Variants in IPO9 observed in about 807,000 individuals in gnomAD.
IPO9 encodes importin-9.
Under a neutral mutation model 128.6 loss-of-function variants are expected in IPO9, and 28 were observed. The observed-to-expected ratio is 0.22, with a 90% CI of 0.16 to 0.30. IPO9 has a LOEUF of 0.30. Among genes scored for constraint, IPO9 ranks in the 10% least tolerant of loss-of-function variants. IPO9 has a pLI of 1.00. For synonymous variants in IPO9, 455 were observed against 475.8 expected (o/e 0.96, Z 0.57); for missense variants, 935 against 1,293.9 (o/e 0.72, Z 4.26).
chr1:201,866,995 C>A, intron 15 of IPO9, 36 bp downstream of exon 15: 2 of 1,512,788 alleles, frequency 1.3e-6, no homozygotes, highest in Non-Finnish European at 9.2e-7. Flanking sequence ...TGAGGGGCAC[C>A]AAAGAAAAGG....
Position 201,881,614 on chromosome 1 carries a change from A to C in IPO9, c.*5560A>C, listed in dbSNP as rs1329454577. 6.6e-6 allele frequency: 1 copy of C among 152,262 alleles called. No homozygotes were observed. Among genetic ancestry groups the C allele is most frequent in the Non-Finnish European group, 1.5e-5 (1 of 68,058 alleles). The allele number at this position is 152,262 out of a possible 1,614,324, so 9.4% of individuals were successfully genotyped here. A position where few individuals can be genotyped will look rare whatever the true frequency, so the allele number is the denominator to read the frequency against. On this transcript the variant is annotated 3_prime_UTR_variant, in exon 24 of 24. Transcript: ENST00000361565. Reference sequence around the variant, plus strand: ...AGGACAAGTGGGGGGCAGATTGTGAAGGATCCTTCAAGACCTGCTTCCTCT... The same window carrying C: ...AGGACAAGTGGGGGGCAGATTGTGACGGATCCTTCAAGACCTGCTTCCTCT...
At chr1:201,866,588 A>C in intron 14 of IPO9, 145 bp from the exon 15 acceptor site, 1 of 611,500 alleles carries the variant, frequency 1.6e-6, no homozygotes, top group South Asian at 2.0e-5. Context: ...TATATAATAC[A>C]TCCAGAAAGA....
At chr1:201,838,453 G>A (rs1679980093) in intron 1 of IPO9, among the ~76,000 whole-genome samples, 1 of 152,148 alleles carries the variant, frequency 6.6e-6, no homozygotes, top group Non-Finnish European at 1.5e-5. Flanking sequence ...ATATCTTCGG[G>A]TTGTAGATAC....
At chr1:201,851,492 G>C (rs1411225368) in intron 4 of IPO9, among the ~76,000 whole-genome samples, 2 of 151,218 alleles carry the variant, frequency 1.3e-5, no homozygotes, top group Admixed American at 6.6e-5. Context: ...TGAAGGGAAA[G>C]ATACGACCCA....
intron 1 of IPO9, among the ~76,000 whole-genome samples, chr1:201,837,796 C>T (rs767820228): frequency 6.6e-6 from 1 of 152,170 alleles, no homozygotes; most frequent in Non-Finnish European, 1.5e-5. Flanking sequence ...CTAGGCCAGG[C>T]ACGGGGGCTC....
intron 1 of IPO9, among the ~76,000 whole-genome samples, chr1:201,831,779 A>G (rs1314209555): frequency 1.3e-5 from 2 of 152,216 alleles, no homozygotes; most frequent in Non-Finnish European, 2.9e-5. Flanking sequence ...TGAAACTGGC[A>G]GGACATGGTT....
At chr1:201,839,774 CCAGAGA>C (rs995922122) in intron 1 of IPO9, among the ~76,000 whole-genome samples, 11 of 151,752 alleles carry the variant, frequency 7.2e-5, no homozygotes, top group African/African-American at 1.5e-4. Flanking sequence ...GACTCAAGAT[CCAGAGA>C]CAATAAAAGA....
chr1:201,831,236 GAA>G (rs939288107), intron 1 of IPO9, among the ~76,000 whole-genome samples: 2 of 152,144 alleles, frequency 1.3e-5, no homozygotes, highest in African/African-American at 4.8e-5. Context: ...TCACTGATGA[GAA>G]ATAGATCGAC....
In IPO9 at chr1:201,829,179, C is replaced by A. The variant is rs1017139089; in HGVS notation, c.-31C>A. ...GCCGTCATTCGGTGGCGGGTCCCGG[C>A]CGCGGGGCTGGCGGGCTGAGGGGAG... On this transcript the variant is annotated 5_prime_UTR_variant, in exon 1 of 24. Coordinates refer to ENST00000361565, the MANE Select transcript of IPO9 (RefSeq NM_018085.5). 4.1e-6 allele frequency: 6 copies of A among 1,464,658 alleles called. No homozygotes were observed. The highest frequency in any genetic ancestry group is 5.4e-6 in the Non-Finnish European group (6 of 1,108,800). The allele number at this position is 1,464,658 out of a possible 1,614,324, so 90.7% of individuals were successfully genotyped here. A position where few individuals can be genotyped will look rare whatever the true frequency, so the allele number is the denominator to read the frequency against.
intron 21 of IPO9, 126 bp downstream of exon 21, chr1:201,874,498 G>A: frequency 1.9e-6 from 2 of 1,070,854 alleles, no homozygotes; most frequent in Non-Finnish European, 2.7e-6. Context: ...GCTGCTCTGT[G>A]GCTGGCACCA....
Position 201,879,372 on chromosome 1 carries a change from A to T in IPO9, c.*3318A>T, listed in dbSNP as rs1001580146. On this transcript the variant is annotated 3_prime_UTR_variant, in exon 24 of 24. Coordinates refer to ENST00000361565, the MANE Select transcript of IPO9 (RefSeq NM_018085.5). The stretch of plus-strand genomic sequence containing the variant: ...AGTTGGTAACTGACCACTAACTAAC[A>T]AACTATAAATTCACCCATTGTGGGT... 12 of 152,224 alleles carry T rather than the reference A, an allele frequency of 7.9e-5. No individual in the cohort carries two copies. The highest frequency in any genetic ancestry group is 1.2e-4 in the Non-Finnish European group (8 of 68,044). The allele number at this position is 152,224 out of a possible 1,614,324, so 9.4% of individuals were successfully genotyped here. A position where few individuals can be genotyped will look rare whatever the true frequency, so the allele number is the denominator to read the frequency against.
intron 7 of IPO9, 35 bp from the exon 8 acceptor site, chr1:201,854,788 C>G (rs756924894): frequency 6.2e-7 from 1 of 1,602,998 alleles, no homozygotes; most frequent in Non-Finnish European, 8.5e-7. Flanking sequence ...TTATATATCA[C>G]TCATAACTTG....
Position 201,872,959 on chromosome 1 carries a change from A to G in IPO9, c.2708A>G (p.Lys903Arg). ...ATCCGCACCCGCTCTAAGTCAGCCA[A>G]AAGTGGGTGCTGCTGCGATTCTTCC... ...EGIRTRSKSA[K>R]NPERWTNIPL... The change falls in exon 20 of 24, where the codon AAA (lysine) becomes AGA (arginine). Residue 903 changes from lysine (K) to arginine (R), a missense_variant and splice_region_variant. Lys to Arg is a conservative substitution (Grantham distance 26, BLOSUM62 2). Around this residue, in one of 3 missense-constraint regions of IPO9, gnomAD observed 188 missense variants for 246.7 expected, o/e 0.76. Coordinates refer to ENST00000361565, the MANE Select transcript of IPO9 (RefSeq NM_018085.5). 2 of 1,611,390 alleles carry G rather than the reference A, an allele frequency of 1.2e-6. No individual in the cohort carries two copies. Among genetic ancestry groups the G allele is most frequent in the Non-Finnish European group, 1.7e-6 (2 of 1,178,672 alleles).
At chr1:201,841,073 TCAAA>T (rs1680026994) in intron 1 of IPO9, among the ~76,000 whole-genome samples, 1 of 152,008 alleles carries the variant, frequency 6.6e-6, no homozygotes, top group African/African-American at 2.4e-5. Context: ...AAAATTAAAA[TCAAA>T]CAATAGGGAG....
rs11420739 is a variant in IPO9, at chr1:201,876,754, GAAAAAA to G, written c.*710_*715del. 7.1e-6 allele frequency: 1 copy of G among 140,046 alleles called. No homozygotes were observed. The highest frequency in any genetic ancestry group is 1.6e-5 in the Non-Finnish European group (1 of 64,294). 8.7% of individuals were successfully genotyped at this position (140,046 alleles called of 1,614,324 possible). A position where few individuals can be genotyped will look rare whatever the true frequency, so the allele number is the denominator to read the frequency against. On this transcript the variant is annotated 3_prime_UTR_variant, in exon 24 of 24. Transcript: ENST00000361565. ...ATGGCAATTTGATCTTCCTTTTTTA[GAAAAAA>G]AAAAAAAAATGGGGAAAAGGGATTT... is the stretch of plus-strand genomic sequence containing the variant.
In IPO9 at chr1:201,857,085, G is replaced by C; in HGVS notation, c.1123-11G>C. 1.3e-6 allele frequency: 2 copies of C among 1,516,680 alleles called. No homozygotes were observed. The highest frequency in any genetic ancestry group is 1.7e-5 in the Admixed American group (1 of 59,844). 94.0% of individuals were successfully genotyped at this position (1,516,680 alleles called of 1,614,324 possible). A position where few individuals can be genotyped will look rare whatever the true frequency, so the allele number is the denominator to read the frequency against. ...TGGCAGCATCACAAAGACATAACTT[G>C]ATCTTTTCAGATTAAAGTATGGACA... On this transcript the variant is annotated splice_polypyrimidine_tract_variant and intron_variant, in intron 10 of 23. Coordinates refer to ENST00000361565, the MANE Select transcript of IPO9 (RefSeq NM_018085.5).
chr1:201,852,147 T>C lies in IPO9; in HGVS notation c.558T>C (p.Ala186=), dbSNP rs1178347179. ...CAGACACACAGATGCCACTTGTTGC[T>C]CCTGTCATTCTCCCAGAGATGTATA... ...EVTDTQMPLV[A]PVILPEMYKI... is the part of the protein sequence containing the mutation. Residue 186 remains alanine, a synonymous_variant, in exon 5 of 24, where the codon GCT becomes GCC. Coordinates refer to ENST00000361565, the MANE Select transcript of IPO9 (RefSeq NM_018085.5). 2.5e-6 allele frequency: 4 copies of C among 1,613,348 alleles called. No individual in the cohort carries two copies. The highest frequency in any genetic ancestry group is 1.7e-5 in the Admixed American group (1 of 59,992).
At chr1:201,845,171 C>T (rs1031101327) in intron 1 of IPO9, among the ~76,000 whole-genome samples, 1 of 152,144 alleles carries the variant, frequency 6.6e-6, no homozygotes, top group African/African-American at 2.4e-5. Context: ...CATGTGCCAC[C>T]ATATCCGGCT....
chr1:201,835,147 A>G (rs1483996074), intron 1 of IPO9: 2 of 152,220 alleles, frequency 1.3e-5, no homozygotes, highest in Non-Finnish European at 2.9e-5. Flanking sequence ...GGGCTTGTCC[A>G]GGGGGTCTAC....
Sources: allele counts gnomAD v4.1 joint callset (sites outside exome capture counted in the v4.1 genomes callset), GRCh38; gene constraint gnomAD v4.1.1; regional missense constraint gnomAD v4.1.1; transcripts MANE v1.5; gene names NCBI Gene and HGNC (gene_info 2026-07-23, HGNC 2026-07-21).